The following RNF43 variants were observed in gnomAD, a reference collection of about 807,000 sequenced individuals.
The protein encoded by RNF43 is E3 ubiquitin-protein ligase RNF43.
Under a neutral mutation model 78.4 loss-of-function variants are expected in RNF43, and 37 were observed. That is an observed-to-expected ratio of 0.47 (90% CI 0.36 to 0.62). The LOEUF (loss-of-function observed/expected upper bound fraction) is 0.62, where lower values mean the gene tolerates loss of function less well. Ranked by LOEUF, RNF43 falls within the 20% of genes least tolerant of loss-of-function variation. RNF43 has a pLI of 0.00. For missense variants in RNF43, 774 were observed against 1,007.9 expected, an observed-to-expected ratio of 0.77 and a Z score of 3.14; for synonymous variants, 347 against 395.0, an observed-to-expected ratio of 0.88 and a Z score of 1.44.
Position 58,357,092 on chromosome 17 carries a change from C to A in RNF43, c.2308+376G>T. The stretch of plus-strand genomic sequence containing the variant: ...TATTTTTAGTAGAGATAGGGTTTCA[C>A]CATGTTGGCCAGGTTGGTCTTGAAC... On this transcript the variant is annotated intron_variant, in intron 9 of 9. Transcript: ENST00000407977. This position sits in a 1 kb window ranked among gnomAD's most constrained non-coding sequence, Gnocchi z 4.5. 3 of 636,846 alleles carry A rather than the reference C, an allele frequency of 4.7e-6. No individual in the cohort carries two copies. In the South Asian group the frequency reaches 5.3e-5, roughly 11 times the overall value. The allele number at this position is 636,846 out of a possible 1,614,324, so 39.4% of individuals were successfully genotyped here. A position where few individuals can be genotyped will look rare whatever the true frequency, so the allele number is the denominator to read the frequency against.
intron 8 of RNF43, among the ~76,000 whole-genome samples, chr17:58,359,921 C>T (rs779719268): frequency 2.0e-5 from 3 of 151,666 alleles, no homozygotes; most frequent in Non-Finnish European, 2.9e-5. Flanking sequence ...AGTGAAACTC[C>T]GTCTCAAAAA....
At chr17:58,369,699 G>A (rs1259914603) in intron 3 of RNF43, among the ~76,000 whole-genome samples, 1 of 152,180 alleles carries the variant, frequency 6.6e-6, no homozygotes, top group African/African-American at 2.4e-5. Flanking sequence ...TCCTAATTGT[G>A]TCATCCAGCA....
At chr17:58,411,085 A>T (rs1974017069) in intron 2 of RNF43, among the ~76,000 whole-genome samples, 1 of 152,204 alleles carries the variant, frequency 6.6e-6, no homozygotes, top group South Asian at 2.1e-4. Flanking sequence ...AAATGTAAAA[A>T]ATAAAGGTAC....
chr17:58,407,011 A>T (rs960366570), intron 2 of RNF43, among the ~76,000 whole-genome samples: 15 of 151,912 alleles, frequency 9.9e-5, no homozygotes, highest in Non-Finnish European at 1.8e-4. Context: ...AAGCAACAAC[A>T]ACAAACAGGA....
chr17:58,382,906 T>G (rs1288414410), intron 2 of RNF43, among the ~76,000 whole-genome samples: 2 of 152,248 alleles, frequency 1.3e-5, no homozygotes, highest in Non-Finnish European at 2.9e-5. Context: ...TGAAGTACTC[T>G]CTTGTCATTT....
rs1188981099 is a variant in RNF43, at chr17:58,353,693, T to C, written c.*1250A>G. 4.8e-6 allele frequency: 1 copy of C among 210,288 alleles called. No individual in the cohort carries two copies. The highest frequency in any genetic ancestry group is 7.1e-5 in the East Asian group (1 of 14,004). The allele number at this position is 210,288 out of a possible 1,614,324, so 13.0% of individuals were successfully genotyped here. ...AGACCACATTTGTGGATAAATATAT[T>C]AGCAAATAAATATATTTCTTAACAT... is the stretch of plus-strand genomic sequence containing the variant. On this transcript the variant is annotated 3_prime_UTR_variant, in exon 10 of 10. Coordinates refer to ENST00000407977, the MANE Select transcript of RNF43 (RefSeq NM_017763.6).
intron 5 of RNF43, 116 bp downstream of exon 5, chr17:58,363,159 T>C: frequency 7.7e-7 from 1 of 1,302,512 alleles, no homozygotes; most frequent in Non-Finnish European, 1.1e-6. Context: ...GAAGTTGGAC[T>C]AGAGGGTTTC....
rs2143473867 is a variant in RNF43 at position 58,363,568 on chromosome 17, A to G, written c.408T>C (p.Ala136=). ...GATCCTCAGTGATGTCAAAGAGGAC[A>G]GCACTGGCTCCTCGCTCACCCGCCA... ...ARMAGERGAS[A]VLFDITEDRA... Residue 136 remains alanine, a synonymous_variant, in exon 4 of 10, where the codon GCT becomes GCC. Transcript: ENST00000407977. The G allele has an allele frequency of 6.2e-7, 1 of 1,612,720 alleles. No homozygotes were observed. Among genetic ancestry groups the G allele is most frequent in the Non-Finnish European group, 8.5e-7 (1 of 1,178,970 alleles).
chr17:58,393,373 C>G (rs1176167410), intron 2 of RNF43, among the ~76,000 whole-genome samples: 2 of 152,150 alleles, frequency 1.3e-5, no homozygotes, highest in Non-Finnish European at 2.9e-5. Flanking sequence ...TGCCACTGCA[C>G]CCCAGCCTGG....
At chr17:58,398,448 A>G (rs776701674) in intron 2 of RNF43, among the ~76,000 whole-genome samples, 2 of 152,206 alleles carry the variant, frequency 1.3e-5, no homozygotes, top group Non-Finnish European at 2.9e-5. Flanking sequence ...CAGAGAAAAA[A>G]TTCCAGTTAA....
intron 2 of RNF43, among the ~76,000 whole-genome samples, chr17:58,400,206 T>G (rs757997897): frequency 2.0e-5 from 3 of 152,186 alleles, no homozygotes; most frequent in Non-Finnish European, 4.4e-5. Context: ...AGAACTCACA[T>G]ACTATTAGTC....
At chr17:58,356,864 C>A (rs1274637480) in intron 9 of RNF43, 6 of 306,176 alleles carry the variant, frequency 2.0e-5, no homozygotes, top group Non-Finnish European at 3.1e-5. Flanking sequence ...AGCTACTACC[C>A]CGGGGACCAT....
chr17:58,410,029 C>T (rs533002999), intron 2 of RNF43, among the ~76,000 whole-genome samples: 1 of 151,298 alleles, frequency 6.6e-6, no homozygotes, highest in African/African-American at 2.4e-5. Flanking sequence ...CCCCACCAAC[C>T]GAGAGTCTGC....
At position 58,360,092 on chromosome 17, in the gene RNF43, A is replaced by G. The variant is rs2143437170; in HGVS notation, c.952+57T>C. ...AGGCTGCAACCCTTTCCCAAAGGGA[A>G]GCCACATTCTAGACCTGTCTGCCTA... On this transcript the variant is annotated intron_variant, in intron 8 of 9. Coordinates refer to ENST00000407977, the MANE Select transcript of RNF43 (RefSeq NM_017763.6). The surrounding 1 kb of genome is among the most constrained non-coding windows in gnomAD (Gnocchi z 4.3). The G allele has an allele frequency of 7.4e-7, 1 of 1,347,232 alleles. No individual in the cohort carries two copies. Among genetic ancestry groups the G allele is most frequent in the Non-Finnish European group, 1.1e-6 (1 of 941,526 alleles). The allele number at this position is 1,347,232 out of a possible 1,614,324, so 83.5% of individuals were successfully genotyped here.
intron 6 of RNF43, 57 bp downstream of exon 6, chr17:58,362,487 C>A: frequency 7.6e-7 from 1 of 1,313,312 alleles, no homozygotes; most frequent in Non-Finnish European, 1.1e-6. Context: ...TTCTCCCTAA[C>A]CACCCACCCA....
chr17:58,415,468 T>C lies in RNF43; in HGVS notation c.110A>G (p.Glu37Gly), dbSNP rs76126720. 8 of 1,614,100 alleles carry C rather than the reference T, an allele frequency of 5.0e-6. No individual in the cohort carries two copies. Among genetic ancestry groups the C allele is most frequent in the Non-Finnish European group, 6.8e-6 (8 of 1,180,030 alleles). ...RTGLVLAAAVESERSAEQKAI... is the reference protein window; with the variant it reads ...RTGLVLAAAVGSERSAEQKAI... ...TTTCTGTTCTGCTGATCTTTCAGAC[T>C]CCACCGCTGCTGCCAGTACCAGTCC... The change falls in exon 2 of 10, where the codon GAG (glutamate) becomes GGG (glycine). Residue 37 changes from glutamate to glycine, a missense_variant. Transcript: ENST00000407977.
intron 2 of RNF43, among the ~76,000 whole-genome samples, chr17:58,371,547 C>T (rs981361619): frequency 1.8e-4 from 27 of 152,232 alleles, no homozygotes; most frequent in African/African-American, 6.3e-4. Flanking sequence ...CCTGTAGATT[C>T]CCATTTCTCA....
chr17:58,412,502 A>G (rs1361200603), intron 2 of RNF43, among the ~76,000 whole-genome samples: 2 of 152,154 alleles, frequency 1.3e-5, no homozygotes, highest in African/African-American at 4.8e-5. Context: ...CTAAGCACAA[A>G]GACTGAGAGA....
At position 58,357,685 on chromosome 17, in the gene RNF43, G is replaced by T. The variant is rs199916345; in HGVS notation, c.2091C>A (p.His697Gln). ...SVAYPWSPEA[H>Q]PLICGPPGLD... Reference sequence around the variant, plus strand: ...GGCCTGGAGGTCCACAGATCAAGGGGTGTGCCTCTGGGGACCAAGGATATG... The same window carrying T: ...GGCCTGGAGGTCCACAGATCAAGGGTTGTGCCTCTGGGGACCAAGGATATG... Residue 697 changes from histidine (H) to glutamine (Q), a missense_variant, in exon 9 of 10, where the codon CAC (histidine) becomes CAA (glutamine). Coordinates refer to ENST00000407977, the MANE Select transcript of RNF43 (RefSeq NM_017763.6). This position sits in a 1 kb window ranked among gnomAD's most constrained non-coding sequence, Gnocchi z 4.5. 2 of 1,612,550 alleles carry T rather than the reference G, an allele frequency of 1.2e-6. No homozygotes were observed. Among genetic ancestry groups the T allele is most frequent in the South Asian group, 2.2e-5 (2 of 90,926 alleles).
Sources: gnomAD v4.1 joint callset for allele counts (sites outside exome capture counted in the v4.1 genomes callset) on GRCh38, gnomAD v4.1.1 for gene constraint, Gnocchi (gnomAD v3.1) non-coding constraint, MANE v1.5 for transcripts, NCBI Gene and HGNC (gene_info 2026-07-23, HGNC 2026-07-21) for gene names.